The following TRIM56 variants were observed in gnomAD, a reference collection of about 807,000 sequenced individuals.
The protein encoded by TRIM56 is E3 ubiquitin-protein ligase TRIM56.
In TRIM56, 10 loss-of-function variants were observed where a neutral mutation model predicts 17.1. The observed-to-expected ratio is 0.58, with a 90% CI of 0.36 to 0.99. The LOEUF is 0.99. TRIM56 is among the 50% of genes least tolerant of loss of function. The pLI is 0.01. For synonymous variants in TRIM56, 503 were observed against 473.5 expected, an observed-to-expected ratio of 1.06 and a Z score of -0.81; for missense variants, 923 against 1,052.3, an observed-to-expected ratio of 0.88 and a Z score of 1.70.
intron 1 of TRIM56, among the ~76,000 whole-genome samples, chr7:101,086,084 A>T (rs1302203837): frequency 6.6e-6 from 1 of 152,170 alleles, no homozygotes; most frequent in Non-Finnish European, 1.5e-5. Context: ...ACCACCCGCG[A>T]TGCTGCCCCA....
In TRIM56 at chr7:101,087,132, G is replaced by C; in HGVS notation, c.-38G>C. On this transcript the variant is annotated 5_prime_UTR_variant, in exon 2 of 3. Transcript: ENST00000306085. ...TTAGCTCAAGAGCAAGTGGCCCAAG[G>C]CCTCAGAAGACTAGAAGGAAGTTCC... is the stretch of plus-strand genomic sequence containing the variant. The C allele has an allele frequency of 1.6e-6, 1 of 642,348 alleles. No homozygotes were observed. Among genetic ancestry groups the C allele is most frequent in the East Asian group, 2.6e-5 (1 of 38,590 alleles). 39.8% of individuals were successfully genotyped at this position (642,348 alleles called of 1,614,324 possible).
intron 2 of TRIM56, 21 bp downstream of exon 2, chr7:101,087,189 C>G (rs1795461889): frequency 1.1e-6 from 1 of 909,686 alleles, no homozygotes; most frequent in African/African-American, 1.7e-5. Flanking sequence ...AGGTTCCTTC[C>G]CGGCCATTTG....
In TRIM56 at chr7:101,090,184, A is replaced by C. The variant is rs1438679613; in HGVS notation, c.*604A>C. On this transcript the variant is annotated 3_prime_UTR_variant, in exon 3 of 3. Transcript: ENST00000306085. ...AGCTTGCAGGAGGGTCTGCAAGTGCAGACAGCAGCTGGGGCCAAAGAGGTG... is the reference window on the plus strand; with the variant it reads ...AGCTTGCAGGAGGGTCTGCAAGTGCCGACAGCAGCTGGGGCCAAAGAGGTG... 6.0e-6 allele frequency: 1 copy of C among 167,220 alleles called. No individual in the cohort carries two copies. The highest frequency in any genetic ancestry group is 1.5e-5 in the Non-Finnish European group (1 of 68,200). The allele number at this position is 167,220 out of a possible 1,614,324, so 10.4% of individuals were successfully genotyped here. A position where few individuals can be genotyped will look rare whatever the true frequency, so the allele number is the denominator to read the frequency against.
chr7:101,088,036 G>C lies in TRIM56; in HGVS notation c.724G>C (p.Ala242Pro), dbSNP rs1173668904. The C allele has an allele frequency of 6.5e-7, 1 of 1,547,234 alleles. No homozygotes were observed. The highest frequency in any genetic ancestry group is 1.4e-5 in the African/African-American group (1 of 73,980). ...GCGGAGGGTGGAGAAGGAGGCGCTA[G>C]CCCGGCTGCGGGAGCAGGCGGCCCG... is the stretch of plus-strand genomic sequence containing the variant. ...AARRVEKEALARLREQAARVG... is the reference protein window; with the variant it reads ...AARRVEKEALPRLREQAARVG... The change falls in exon 3 of 3, where the codon GCC becomes CCC. Residue 242 changes from alanine (A) to proline (P), a missense_variant. Physicochemically the swap from Ala to Pro is conservative, Grantham distance 27. Transcript: ENST00000306085.
At position 101,097,476 on chromosome 7, in the gene TRIM56, G is replaced by A. The variant is rs1291310730; in HGVS notation, c.*7896G>A. On this transcript the variant is annotated 3_prime_UTR_variant, in exon 3 of 3. Transcript: ENST00000306085. Reference sequence around the variant, plus strand: ...TAGACTACCCAACTGGATTGTGAATGCAGTTTATGAAATGGATCAGGACAG... The same window carrying A: ...TAGACTACCCAACTGGATTGTGAATACAGTTTATGAAATGGATCAGGACAG... 6.6e-6 allele frequency: 1 copy of A among 152,210 alleles called. No homozygotes were observed. Among genetic ancestry groups the A allele is most frequent in the Non-Finnish European group, 1.5e-5 (1 of 68,046 alleles). 9.4% of individuals were successfully genotyped at this position (152,210 alleles called of 1,614,324 possible). A position where few individuals can be genotyped will look rare whatever the true frequency, so the allele number is the denominator to read the frequency against.
chr7:101,097,225 C>A lies in TRIM56; in HGVS notation c.*7645C>A, dbSNP rs532041768. ...AACAGGCGAGTGCCAAGATCAAGGTCTCTGATTGTCTCTCCTTGAAAGGTA... is the reference window on the plus strand; with the variant it reads ...AACAGGCGAGTGCCAAGATCAAGGTATCTGATTGTCTCTCCTTGAAAGGTA... On this transcript the variant is annotated 3_prime_UTR_variant, in exon 3 of 3. Coordinates refer to ENST00000306085, the MANE Select transcript of TRIM56 (RefSeq NM_030961.3). 33 of 152,298 alleles carry A rather than the reference C, an allele frequency of 2.2e-4. No individual in the cohort carries two copies. Among genetic ancestry groups the A allele is most frequent in the African/African-American group, 7.7e-4 (32 of 41,574 alleles). The allele number at this position is 152,298 out of a possible 1,614,324, so 9.4% of individuals were successfully genotyped here.
rs372702476 is a variant in TRIM56 at position 101,087,426 on chromosome 7, T to C, written c.114T>C (p.His38=). Residue 38 remains histidine, a synonymous_variant, in exon 3 of 3, where the codon CAT becomes CAC. Coordinates refer to ENST00000306085, the MANE Select transcript of TRIM56 (RefSeq NM_030961.3). ...LRAPKTLPCL[H]TYCQDCLAQL... ...CACCCAAGACACTGCCCTGCCTGCA[T>C]ACCTACTGCCAAGACTGCCTGGCAC... is the stretch of plus-strand genomic sequence containing the variant. 1.3e-4 allele frequency: 214 copies of C among 1,613,040 alleles called. No homozygotes were observed. The highest frequency in any genetic ancestry group is 1.7e-4 in the Non-Finnish European group (203 of 1,179,992).
chr7:101,090,099 C>T lies in TRIM56; in HGVS notation c.*519C>T, dbSNP rs1397538789. The T allele has an allele frequency of 6.0e-6, 1 of 167,514 alleles. No homozygotes were observed. The highest frequency in any genetic ancestry group is 6.5e-5 in the Admixed American group (1 of 15,312). The allele number at this position is 167,514 out of a possible 1,614,324, so 10.4% of individuals were successfully genotyped here. ...TCGAATGGGCAGTGAATGGCCTCTTCTGCCAGCCACAGGCAGGATGCTCCT... is the reference window on the plus strand; with the variant it reads ...TCGAATGGGCAGTGAATGGCCTCTTTTGCCAGCCACAGGCAGGATGCTCCT... On this transcript the variant is annotated 3_prime_UTR_variant, in exon 3 of 3. Transcript: ENST00000306085.
At position 101,090,649 on chromosome 7, in the gene TRIM56, A is replaced by G. The variant is rs1795547275; in HGVS notation, c.*1069A>G. 2 of 149,336 alleles carry G rather than the reference A, an allele frequency of 1.3e-5. No homozygotes were observed. The highest frequency in any genetic ancestry group is 6.7e-5 in the Admixed American group (1 of 14,916). 9.3% of individuals were successfully genotyped at this position (149,336 alleles called of 1,614,324 possible). The stretch of plus-strand genomic sequence containing the variant: ...AAAAAACAGAAACAACAGAAAAAGC[A>G]GGTTATCCATCACTTCTCAGCTAAG... On this transcript the variant is annotated 3_prime_UTR_variant, in exon 3 of 3. Transcript: ENST00000306085.
rs1461049512 is a variant in TRIM56, at chr7:101,093,916, T to G, written c.*4336T>G. 1 of 152,150 alleles carries G rather than the reference T, an allele frequency of 6.6e-6. No homozygotes were observed. The highest frequency in any genetic ancestry group is 1.5e-5 in the Non-Finnish European group (1 of 68,026). 9.4% of individuals were successfully genotyped at this position (152,150 alleles called of 1,614,324 possible). Reference sequence around the variant, plus strand: ...ATGGGTGAGAAATCTTGCGGAGAAATAGACTCCTGGCACTATAAAAATGAT... The same window carrying G: ...ATGGGTGAGAAATCTTGCGGAGAAAGAGACTCCTGGCACTATAAAAATGAT... On this transcript the variant is annotated 3_prime_UTR_variant, in exon 3 of 3. Coordinates refer to ENST00000306085, the MANE Select transcript of TRIM56 (RefSeq NM_030961.3).
At position 101,087,050 on chromosome 7, in the gene TRIM56, T is replaced by G; in HGVS notation, c.-120T>G. ...ACAAGTAGCACTGACATTTTTACGTTTGCTGGATGTACACACGGAAGTGGA... is the reference window on the plus strand; with the variant it reads ...ACAAGTAGCACTGACATTTTTACGTGTGCTGGATGTACACACGGAAGTGGA... On this transcript the variant is annotated 5_prime_UTR_variant, in exon 2 of 3. Transcript: ENST00000306085. 2.0e-6 allele frequency: 1 copy of G among 495,430 alleles called. No homozygotes were observed. The highest frequency in any genetic ancestry group is 3.6e-6 in the Non-Finnish European group (1 of 277,098). 30.7% of individuals were successfully genotyped at this position (495,430 alleles called of 1,614,324 possible).
rs1392787075 is a variant in TRIM56, at chr7:101,089,445, C to T, written c.2133C>T (p.Leu711=). 1 of 1,614,100 alleles carries T rather than the reference C, an allele frequency of 6.2e-7. No individual in the cohort carries two copies. Among genetic ancestry groups the T allele is most frequent in the Non-Finnish European group, 8.5e-7 (1 of 1,180,036 alleles). The change falls in exon 3 of 3, where the codon CTC becomes CTT. Residue 711 remains leucine, a synonymous_variant. Coordinates refer to ENST00000306085, the MANE Select transcript of TRIM56 (RefSeq NM_030961.3). ...KVVILDPKGS[L]LGDFLTAYHG... ...TGATCCTGGACCCGAAGGGGTCCCT[C>T]CTTGGAGACTTCCTGACAGCCTACC...
chr7:101,088,507 G>C lies in TRIM56; in HGVS notation c.1195G>C (p.Glu399Gln). Reference protein sequence around the residue: ...GEESQSRREDEPKTERQGGVQ... With the variant: ...GEESQSRREDQPKTERQGGVQ... ...GGAGAGCCAGAGCCGGAGGGAGGATGAGCCGAAGACTGAGAGACAGGGTGG... is the reference window on the plus strand; with the variant it reads ...GGAGAGCCAGAGCCGGAGGGAGGATCAGCCGAAGACTGAGAGACAGGGTGG... Residue 399 changes from glutamate to glutamine, a missense_variant, in exon 3 of 3, where the codon GAG becomes CAG. By Grantham distance (29) the Glu-to-Gln change is conservative. Transcript: ENST00000306085. 6.2e-7 allele frequency: 1 copy of C among 1,613,894 alleles called. No individual in the cohort carries two copies. The highest frequency in any genetic ancestry group is 8.5e-7 in the Non-Finnish European group (1 of 1,179,950).
chr7:101,087,684 C>A lies in TRIM56; in HGVS notation c.372C>A (p.Ala124=). The part of the protein sequence containing the change: ...GPATARCLDC[A]DDLCQACADG... ...CCACGGCCCGGTGCCTGGACTGTGCCGATGACTTGTGCCAGGCCTGTGCCG... is the reference window on the plus strand; with the variant it reads ...CCACGGCCCGGTGCCTGGACTGTGCAGATGACTTGTGCCAGGCCTGTGCCG... The change falls in exon 3 of 3, where the codon GCC becomes GCA. Residue 124 remains alanine (A), a synonymous_variant. Coordinates refer to ENST00000306085, the MANE Select transcript of TRIM56 (RefSeq NM_030961.3). 3 of 1,594,044 alleles carry A rather than the reference C, an allele frequency of 1.9e-6. No homozygotes were observed. Among genetic ancestry groups the A allele is most frequent in the Non-Finnish European group, 2.6e-6 (3 of 1,171,234 alleles).
At position 101,088,467 on chromosome 7, in the gene TRIM56, T is replaced by C; in HGVS notation, c.1155T>C (p.Gly385=). The change falls in exon 3 of 3, where the codon GGT becomes GGC. Residue 385 remains glycine (G), a synonymous_variant. Transcript: ENST00000306085. The part of the protein sequence containing the change: ...PQKDGGKDGA[G]TQGGEESQSR... ...AGGATGGTGGGAAAGACGGAGCTGGTACCCAGGGAGGTGAGGAGAGCCAGA... is the reference window on the plus strand; with the variant it reads ...AGGATGGTGGGAAAGACGGAGCTGGCACCCAGGGAGGTGAGGAGAGCCAGA... 1 of 1,613,568 alleles carries C rather than the reference T, an allele frequency of 6.2e-7. No homozygotes were observed. Among genetic ancestry groups the C allele is most frequent in the Non-Finnish European group, 8.5e-7 (1 of 1,179,784 alleles).
rs1285633075 is a variant in TRIM56, at chr7:101,093,592, G to A, written c.*4012G>A. ...CACCTGTAATCCCAGCACTTTGGGA[G>A]GCTGAGGTGGGTGGATCACCTGAGG... On this transcript the variant is annotated 3_prime_UTR_variant, in exon 3 of 3. Transcript: ENST00000306085. 2.0e-5 allele frequency: 3 copies of A among 151,946 alleles called. No homozygotes were observed. The highest frequency in any genetic ancestry group is 4.4e-5 in the Non-Finnish European group (3 of 68,026). The allele number at this position is 151,946 out of a possible 1,614,324, so 9.4% of individuals were successfully genotyped here.
chr7:101,090,935 G>A lies in TRIM56; in HGVS notation c.*1355G>A, dbSNP rs1188154662. 1 of 152,200 alleles carries A rather than the reference G, an allele frequency of 6.6e-6. No individual in the cohort carries two copies. The highest frequency in any genetic ancestry group is 2.4e-5 in the African/African-American group (1 of 41,426). The allele number at this position is 152,200 out of a possible 1,614,324, so 9.4% of individuals were successfully genotyped here. On this transcript the variant is annotated 3_prime_UTR_variant, in exon 3 of 3. Transcript: ENST00000306085. ...TGGCCTTCACTCGGCTGAACTAGGGGGTGAAGGAAGGTTGTCCTCTGTGGG... is the reference window on the plus strand; with the variant it reads ...TGGCCTTCACTCGGCTGAACTAGGGAGTGAAGGAAGGTTGTCCTCTGTGGG...
chr7:101,088,931 A>G lies in TRIM56; in HGVS notation c.1619A>G (p.Tyr540Cys), dbSNP rs373408932. The stretch of plus-strand genomic sequence containing the variant: ...AAACGCTTCTCCCTCAACGGCGACT[A>G]CAAGGGCACCGTGCCGGTCCCTGAG... ...ALKRFSLNGD[Y>C]KGTVPVPEGC... is the part of the protein sequence containing the mutation. Residue 540 changes from tyrosine to cysteine, a missense_variant, in exon 3 of 3, where the codon TAC becomes TGC. This residue lies in a region of TRIM56 where 643 missense variants were observed against 665.6 expected (regional missense o/e 0.97). Transcript: ENST00000306085. 1 of 1,613,694 alleles carries G rather than the reference A, an allele frequency of 6.2e-7. No individual in the cohort carries two copies. Among genetic ancestry groups the G allele is most frequent in the Non-Finnish European group, 8.5e-7 (1 of 1,180,018 alleles).
rs775823952 is a variant in TRIM56, at chr7:101,088,010, C to G, written c.698C>G (p.Ala233Gly). 2 of 1,576,064 alleles carry G rather than the reference C, an allele frequency of 1.3e-6. No homozygotes were observed. Among genetic ancestry groups the G allele is most frequent in the Admixed American group, 3.6e-5 (2 of 55,992 alleles). Reference protein sequence around the residue: ...VDNNLVELEAARRVEKEALAR... With the variant: ...VDNNLVELEAGRRVEKEALAR... ...AATAACCTGGTGGAGCTGGAGGCAG[C>G]GCGGAGGGTGGAGAAGGAGGCGCTA... is the stretch of plus-strand genomic sequence containing the variant. Residue 233 changes from alanine (A) to glycine (G), a missense_variant, in exon 3 of 3, where the codon GCG (alanine) becomes GGG (glycine). By Grantham distance (60) the Ala-to-Gly change is moderately conservative. Transcript: ENST00000306085.
Sources: gnomAD v4.1 joint callset for allele counts (sites outside exome capture counted in the v4.1 genomes callset) on GRCh38, gnomAD v4.1.1 for gene constraint, gnomAD v4.1.1 regional missense constraint, MANE v1.5 for transcripts, NCBI Gene and HGNC (gene_info 2026-07-23, HGNC 2026-07-21) for gene names.